Variants in CASQ2 observed in about 807,000 individuals in gnomAD.
CASQ2 encodes calsequestrin-2.
Under a neutral mutation model 46.5 loss-of-function variants are expected in CASQ2, and 49 were observed. The ratio of observed to expected loss-of-function variants is 1.05; its 90% confidence interval spans 0.84 to 1.34. The LOEUF is 1.34. Among genes scored for constraint, CASQ2 ranks in the 40% most tolerant of loss-of-function variants. The pLI, the probability that CASQ2 is intolerant of heterozygous loss-of-function variation, is 0.00. For missense variants in CASQ2, 486 were observed against 481.3 expected (o/e 1.01, Z -0.09); for synonymous variants, 174 against 168.5 (o/e 1.03, Z -0.25).
chr1:115,724,045 T>C (rs1647485240), intron 7 of CASQ2, among the ~76,000 whole-genome samples: 1 of 152,224 alleles, frequency 6.6e-6, no homozygotes, highest in African/African-American at 2.4e-5. Context: ...TGTTCATCCA[T>C]CACTTCAAAG....
chr1:115,725,565 A>G lies in CASQ2; in HGVS notation c.738-12T>C. 1 of 1,580,634 alleles carries G rather than the reference A, an allele frequency of 6.3e-7. No homozygotes were observed. The highest frequency in any genetic ancestry group is 8.6e-7 in the Non-Finnish European group (1 of 1,165,074). On this transcript the variant is annotated splice_polypyrimidine_tract_variant and intron_variant, in intron 6 of 10. Coordinates refer to ENST00000261448, the MANE Select transcript of CASQ2 (RefSeq NM_001232.4). ...GACGTAGAGTGGGTCTGGAAAAAAA[A>G]AAAAAAAAAAAAAAAGAAAGAGCTT... is the stretch of plus-strand genomic sequence containing the variant.
At chr1:115,763,418 C>T (rs1196659395) in intron 1 of CASQ2, among the ~76,000 whole-genome samples, 2 of 151,966 alleles carry the variant, frequency 1.3e-5, no homozygotes, top group African/African-American at 4.8e-5. Context: ...CTCTCTAGCC[C>T]CAGAGAGGAG....
intron 4 of CASQ2, among the ~76,000 whole-genome samples, chr1:115,733,835 G>A (rs1048201817): frequency 2.0e-5 from 3 of 152,158 alleles, no homozygotes; most frequent in African/African-American, 7.2e-5. Context: ...CCTTAACCGT[G>A]TGAAGTATAA....
intron 1 of CASQ2, among the ~76,000 whole-genome samples, chr1:115,763,135 T>A (rs1649019055): frequency 6.6e-6 from 1 of 152,178 alleles, no homozygotes; most frequent in Admixed American, 6.5e-5. Context: ...CAGGTTGTTT[T>A]CATGAGGCTT....
chr1:115,720,275 G>T (rs1647321695), intron 7 of CASQ2, among the ~76,000 whole-genome samples: 1 of 152,148 alleles, frequency 6.6e-6, no homozygotes, highest in African/African-American at 2.4e-5. Context: ...CGCGAGGCCT[G>T]CTTTCTGGCT....
chr1:115,732,125 G>A (rs926450047), intron 5 of CASQ2: 3 of 152,204 alleles, frequency 2.0e-5, no homozygotes, highest in Non-Finnish European at 4.4e-5. Flanking sequence ...ATGTTGCCCA[G>A]GCTGGTCTCC....
chr1:115,712,326 G>C (rs776493216), intron 8 of CASQ2, among the ~76,000 whole-genome samples: 4 of 152,150 alleles, frequency 2.6e-5, no homozygotes, highest in Admixed American at 6.6e-5. Context: ...CTCTTTCTCT[G>C]CCTGTCTTCT....
At chr1:115,717,409 C>T (rs1216846751) in intron 8 of CASQ2, among the ~76,000 whole-genome samples, 1 of 152,166 alleles carries the variant, frequency 6.6e-6, no homozygotes, top group African/African-American at 2.4e-5. Flanking sequence ...TCCCCTTACC[C>T]AGATCAATCA....
At chr1:115,762,199 A>C (rs4143098) in intron 1 of CASQ2, among the ~76,000 whole-genome samples, 137,260 of 152,200 alleles carry the variant, frequency 0.9, 62,043 homozygotes, top group East Asian at 0.97. Flanking sequence ...AGATACCCTG[A>C]CTGAGCAAGG....
intron 1 of CASQ2, among the ~76,000 whole-genome samples, chr1:115,764,811 A>C (rs1649080679): frequency 6.6e-6 from 1 of 152,112 alleles, no homozygotes; most frequent in Non-Finnish European, 1.5e-5. Context: ...AGCTGTATAG[A>C]CCTTATCTTC....
intron 5 of CASQ2, among the ~76,000 whole-genome samples, 180 bp downstream of exon 5, chr1:115,732,721 C>T (rs1196007138): frequency 6.6e-6 from 1 of 152,174 alleles, no homozygotes; most frequent in East Asian, 1.9e-4. Context: ...CTGACTTAGT[C>T]ATCTTTGTAC....
At chr1:115,711,309 G>A (rs558695975) in intron 8 of CASQ2, among the ~76,000 whole-genome samples, 10 of 152,286 alleles carry the variant, frequency 6.6e-5, no homozygotes, top group Admixed American at 1.3e-4. Flanking sequence ...AAACGGCCGG[G>A]GCTGGAACCA....
chr1:115,762,703 C>T (rs79280481), intron 1 of CASQ2, among the ~76,000 whole-genome samples: 9,559 of 152,262 alleles, frequency 0.063, 417 homozygotes, highest in Admixed American at 0.13. Flanking sequence ...GTGTGAAGCT[C>T]ACCCGGAAAA....
At chr1:115,736,937 A>G (rs978971453) in intron 4 of CASQ2, among the ~76,000 whole-genome samples, 2 of 152,216 alleles carry the variant, frequency 1.3e-5, no homozygotes, top group African/African-American at 4.8e-5. Flanking sequence ...TACTATTATC[A>G]TGATGATTCG....
intron 7 of CASQ2, among the ~76,000 whole-genome samples, chr1:115,723,305 T>TTATCTATCTATTTATCTATC (rs1647455422): frequency 6.7e-6 from 1 of 148,748 alleles, no homozygotes; most frequent in Non-Finnish European, 1.5e-5. Flanking sequence ...ATCTATCTAT[T>TTATCTATCTATTTATCTATC]TATCTATCTA....
rs745611056 is a variant in CASQ2 at position 115,715,229 on chromosome 1, C to T, written c.838+2611G>A. Among the ~76,000 whole-genome samples, 3 of 152,216 alleles carry T rather than the reference C, an allele frequency of 2.0e-5. No homozygotes were observed. The East Asian group carries it at 5.8e-4, about 29-fold the overall frequency. Reference sequence around the variant, plus strand: ...TGCTCCTCCAGGGAAGAGTGGTGGCCGGAACCTGTGGAAAACCCACTGAAA... The same window carrying T: ...TGCTCCTCCAGGGAAGAGTGGTGGCTGGAACCTGTGGAAAACCCACTGAAA... On this transcript the variant is annotated intron_variant, in intron 8 of 10. Transcript: ENST00000261448.
intron 1 of CASQ2, among the ~76,000 whole-genome samples, chr1:115,765,286 G>A (rs1465809947): frequency 2.6e-5 from 4 of 152,182 alleles, no homozygotes; most frequent in East Asian, 1.9e-4. Context: ...ATGACTAATT[G>A]AATGGTATTT....
intron 1 of CASQ2, among the ~76,000 whole-genome samples, chr1:115,760,555 C>A (rs1329996798): frequency 6.6e-6 from 1 of 152,224 alleles, no homozygotes; most frequent in Non-Finnish European, 1.5e-5. Flanking sequence ...CTGAGCTGCT[C>A]TCAGCCTTGG....
At chr1:115,758,403 A>C (rs1444152115) in intron 1 of CASQ2, among the ~76,000 whole-genome samples, 4 of 152,326 alleles carry the variant, frequency 2.6e-5, no homozygotes, top group Admixed American at 6.5e-5. Flanking sequence ...AATGCTGTTG[A>C]ATACCTACTG....
Sources: gnomAD v4.1 joint callset for allele counts (sites outside exome capture counted in the v4.1 genomes callset) on GRCh38, gnomAD v4.1.1 for gene constraint, MANE v1.5 for transcripts, NCBI Gene and HGNC (gene_info 2026-07-23, HGNC 2026-07-21) for gene names.